Variants in CFAP46 observed in about 807,000 individuals in gnomAD.
CFAP46 encodes the protein cilia and flagella associated protein 46, also known as cilia- and flagella-associated protein 46.
A neutral mutation model predicts 325.7 loss-of-function variants in CFAP46; 245 were observed. The observed-to-expected ratio is 0.75, with a 90% CI of 0.68 to 0.84. The LOEUF (loss-of-function observed/expected upper bound fraction) is 0.84. CFAP46 is among the 40% of genes least tolerant of loss of function. CFAP46 has a pLI of 0.00. For missense variants in CFAP46, 3,346 were observed against 3,543.0 expected (o/e 0.94, Z 1.41); for synonymous variants, 1,523 against 1,495.9 (o/e 1.02, Z -0.42).
intron 22 of CFAP46, among the ~76,000 whole-genome samples, chr10:132,903,351 G>A (rs1435098496): frequency 1.3e-5 from 2 of 152,172 alleles, no homozygotes; most frequent in Admixed American, 6.5e-5. Context: ...TGGCTCCACA[G>A]AACGAGGGCC....
At chr10:132,890,682 T>G (rs568824604) in intron 25 of CFAP46, among the ~76,000 whole-genome samples, 1 of 151,792 alleles carries the variant, frequency 6.6e-6, no homozygotes, top group Non-Finnish European at 1.5e-5. Flanking sequence ...TGTATCCCCA[T>G]CTCCTGCTCA....
At chr10:132,811,146 C>T in intron 55 of CFAP46, 115 bp from the exon 56 acceptor site, 2 of 879,164 alleles carry the variant, frequency 2.3e-6, no homozygotes, top group Non-Finnish European at 1.8e-6. Flanking sequence ...GCACGCTGGC[C>T]ACTCAGCTCC....
chr10:132,815,392 C>T (rs962882544), intron 50 of CFAP46, among the ~76,000 whole-genome samples: 1 of 152,206 alleles, frequency 6.6e-6, no homozygotes, highest in Non-Finnish European at 1.5e-5. Context: ...CTCCAGCAGA[C>T]AGCGGAATGG....
chr10:132,864,431 C>A (rs1848776575), intron 35 of CFAP46, among the ~76,000 whole-genome samples: 1 of 130,018 alleles, frequency 7.7e-6, no homozygotes, highest in Non-Finnish European at 1.7e-5. Flanking sequence ...CACACCTGTC[C>A]CCAGTGCCTG....
rs113993528 is a variant in CFAP46 at position 132,935,381 on chromosome 10, T to C, written c.756-519A>G. Among the ~76,000 whole-genome samples, 286 of 132,042 alleles carry C rather than the reference T, an allele frequency of 2.2e-3. 2 individuals carry two copies. The highest frequency in any genetic ancestry group is 6.0e-3 in the African/African-American group (182 of 30,400). 86.6% of individuals were successfully genotyped at this position (132,042 alleles called of 152,430 possible). A position where few individuals can be genotyped will look rare whatever the true frequency, so the allele number is the denominator to read the frequency against. ...CTCCCCTTGGCACCCAAACACACTG[T>C]GATCTCCTCACTCCCCTCAGCACCC... On this transcript the variant is annotated intron_variant, in intron 7 of 57. Transcript: ENST00000368586.
At chr10:132,866,212 T>C (rs1295763652) in intron 34 of CFAP46, 41 bp from the exon 35 acceptor site, 3 of 1,456,790 alleles carry the variant, frequency 2.1e-6, no homozygotes, top group Admixed American at 2.4e-5. Context: ...ATCCTGACAC[T>C]TGTGACCTCT....
In CFAP46 at chr10:132,939,822, A is replaced by G. The variant is rs1295178829; in HGVS notation, c.372-1069T>C. On this transcript the variant is annotated intron_variant, in intron 4 of 57. Coordinates refer to ENST00000368586, the MANE Select transcript of CFAP46 (RefSeq NM_001200049.3). This position sits in a 1 kb window ranked among gnomAD's most constrained non-coding sequence, Gnocchi z 4.6. ...TCCTCCCTGTAAGTGGCTCTCCCCAAATTCCCACTGTGGCCTCCACATGCC... is the reference window on the plus strand; with the variant it reads ...TCCTCCCTGTAAGTGGCTCTCCCCAGATTCCCACTGTGGCCTCCACATGCC... Among the ~76,000 whole-genome samples the G allele has an allele frequency of 6.6e-6, 1 of 152,060 alleles. No individual in the cohort carries two copies. The highest frequency in any genetic ancestry group is 1.5e-5 in the Non-Finnish European group (1 of 67,992).
chr10:132,868,924 G>T (rs1208187956), intron 33 of CFAP46, among the ~76,000 whole-genome samples: 2 of 152,230 alleles, frequency 1.3e-5, no homozygotes, highest in African/African-American at 4.8e-5. Flanking sequence ...CCTGAAGGCT[G>T]CCGGAGACGG....
chr10:132,888,197 A>G (rs1411022029), intron 25 of CFAP46, among the ~76,000 whole-genome samples: 2 of 151,870 alleles, frequency 1.3e-5, no homozygotes, highest in South Asian at 4.2e-4. Flanking sequence ...AGTGGGCACC[A>G]ATGCGGGCTC....
At chr10:132,866,668 C>T (rs1848817351) in intron 34 of CFAP46, among the ~76,000 whole-genome samples, 1 of 152,126 alleles carries the variant, frequency 6.6e-6, no homozygotes, top group African/African-American at 2.4e-5. Flanking sequence ...GAGCCCCCGG[C>T]CTGGGGCGGT....
Position 132,850,398 on chromosome 10 carries a change from C to A in CFAP46, c.5798G>T (p.Gly1933Val). ...CAGGCTCCCCAGCTGTGCCAGTGCCCCGTGTGCTAGAGTCCGCTTCAGCGT... is the reference window on the plus strand; with the variant it reads ...CAGGCTCCCCAGCTGTGCCAGTGCCACGTGTGCTAGAGTCCGCTTCAGCGT... ...WFTLKRTLAHGALAQLGSLQP... is the reference protein window; with the variant it reads ...WFTLKRTLAHVALAQLGSLQP... Residue 1933 changes from glycine (G) to valine (V), a missense_variant, in exon 41 of 58, where the codon GGG (glycine) becomes GTG (valine). By Grantham distance (109) the Gly-to-Val change is moderately radical. Transcript: ENST00000368586. The A allele has an allele frequency of 1.3e-6, 2 of 1,580,398 alleles. No homozygotes were observed. The highest frequency in any genetic ancestry group is 2.3e-5 in the East Asian group (1 of 43,086).
Position 132,866,049 on chromosome 10 carries a change from C to T in CFAP46, c.4866G>A (p.Leu1622=), listed in dbSNP as rs746364967. ...CCTGGAAAGCCAGGTAAGCCTCCGA[C>T]AGGAGCAGCCGTGCAGGCTGGTACA... ...MNLYQPARLL[L]SEAYLAFQEL... The change falls in exon 35 of 58, where the codon CTG becomes CTA. Residue 1622 remains leucine, a synonymous_variant. Coordinates refer to ENST00000368586, the MANE Select transcript of CFAP46 (RefSeq NM_001200049.3). 8.5e-6 allele frequency: 13 copies of T among 1,523,974 alleles called. No homozygotes were observed. In the South Asian group the frequency reaches 1.6e-4, roughly 19 times the overall value. The allele number at this position is 1,523,974 out of a possible 1,614,324, so 94.4% of individuals were successfully genotyped here.
chr10:132,941,899 A>G lies in CFAP46; in HGVS notation c.174+81T>C, dbSNP rs1210308382. ...CCAGGAGCTGCCTCTCCCCAGCCCC[A>G]CTCTGCATCCGCTGCACACCCAGAG... On this transcript the variant is annotated intron_variant, in intron 2 of 57. Transcript: ENST00000368586. 1.4e-5 allele frequency: 22 copies of G among 1,528,784 alleles called. No homozygotes were observed. The Admixed American group carries it at 4.4e-4, about 31-fold the overall frequency. The allele number at this position is 1,528,784 out of a possible 1,614,324, so 94.7% of individuals were successfully genotyped here.
chr10:132,819,973 A>T (rs1395507173), intron 50 of CFAP46, among the ~76,000 whole-genome samples: 1 of 152,226 alleles, frequency 6.6e-6, no homozygotes, highest in Admixed American at 6.5e-5. Context: ...GAGAAAATGA[A>T]TGTAGAATGT....
intron 4 of CFAP46, among the ~76,000 whole-genome samples, chr10:132,940,068 T>C (rs7096772): frequency 0.14 from 20,819 of 151,974 alleles, 1,727 homozygotes; most frequent in African/African-American, 0.23. Flanking sequence ...CCCTTGGAAA[T>C]ACCCCTTGTC....
chr10:132,899,013 C>A lies in CFAP46; in HGVS notation c.3165G>T (p.Lys1055Asn), dbSNP rs535675016. Reference protein sequence around the residue: ...LSSAVYRKKAKGALKRLIGII... With the variant: ...LSSAVYRKKANGALKRLIGII... ...TGCCGATGAGCCTCTTCAGGGCACC[C>A]TTGGCCTTCTTCCTGTAGACGGCTG... Residue 1055 changes from lysine to asparagine, a missense_variant, in exon 24 of 58, where the codon AAG becomes AAT. Coordinates refer to ENST00000368586, the MANE Select transcript of CFAP46 (RefSeq NM_001200049.3). 1.3e-6 allele frequency: 2 copies of A among 1,550,584 alleles called. No homozygotes were observed. The highest frequency in any genetic ancestry group is 2.4e-5 in the East Asian group (1 of 40,918).
Position 132,833,446 on chromosome 10 carries a change from G to A in CFAP46, c.7029C>T (p.Leu2343=). ...AAATTGTCCCTTCATCGAACACAGA[G>A]AGACCTTCCAGTGGCAGCTCCAGGA... ...RHLLELPLEG[L]SVFDEGTISS... Residue 2343 remains leucine, a synonymous_variant, in exon 50 of 58, where the codon CTC becomes CTT. Coordinates refer to ENST00000368586, the MANE Select transcript of CFAP46 (RefSeq NM_001200049.3). The A allele has an allele frequency of 6.2e-7, 1 of 1,614,122 alleles. No individual in the cohort carries two copies. Among genetic ancestry groups the A allele is most frequent in the Non-Finnish European group, 8.5e-7 (1 of 1,180,006 alleles).
chr10:132,810,495 G>A lies in CFAP46; in HGVS notation c.7584-6C>T, dbSNP rs1847557174. ...CTTCCCAACGGCCAACAGATCTAGG[G>A]GAGAAACGTCCCCTCAGGAGGGCAT... On this transcript the variant is annotated splice_polypyrimidine_tract_variant and splice_region_variant and intron_variant, in intron 56 of 57. Coordinates refer to ENST00000368586, the MANE Select transcript of CFAP46 (RefSeq NM_001200049.3). 1.2e-6 allele frequency: 2 copies of A among 1,613,188 alleles called. No individual in the cohort carries two copies. The highest frequency in any genetic ancestry group is 2.2e-5 in the East Asian group (1 of 44,868).
At chr10:132,837,411 A>T (rs1284764065) in intron 44 of CFAP46, among the ~76,000 whole-genome samples, 3 of 152,060 alleles carry the variant, frequency 2.0e-5, no homozygotes, top group Non-Finnish European at 4.4e-5. Context: ...ACCCAGACAC[A>T]GACATGCACG....
Sources: allele counts gnomAD v4.1 joint callset (sites outside exome capture counted in the v4.1 genomes callset), GRCh38; gene constraint gnomAD v4.1.1; non-coding constraint Gnocchi (gnomAD v3.1); transcripts MANE v1.5; gene names NCBI Gene and HGNC (gene_info 2026-07-23, HGNC 2026-07-21).